Variants in TMEM200A observed in about 807,000 individuals in gnomAD.
TMEM200A encodes the protein transmembrane protein 200A, also known as two transmembrane C.
In TMEM200A, 12 loss-of-function variants were observed where a neutral mutation model predicts 24.3. The observed-to-expected ratio is 0.49, with a 90% CI of 0.32 to 0.80. TMEM200A has a LOEUF of 0.80. TMEM200A is among the 30% of genes least tolerant of loss of function. The probability of loss-of-function intolerance (pLI) is 0.04; values close to 1 mark genes in which losing one functional copy is unlikely to be tolerated. For synonymous variants in TMEM200A, 224 were observed against 224.4 expected, an observed-to-expected ratio of 1.00 and a Z score of 0.02; for missense variants, 545 against 614.4, an observed-to-expected ratio of 0.89 and a Z score of 1.19.
At chr6:130,402,258 T>A (rs1180960984) in intron 2 of TMEM200A, among the ~76,000 whole-genome samples, 4 of 151,868 alleles carry the variant, frequency 2.6e-5, no homozygotes. Flanking sequence ...AACTTTAAAG[T>A]GAAACACAAC....
intron 2 of TMEM200A, among the ~76,000 whole-genome samples, chr6:130,434,301 G>A (rs1779948447): frequency 6.6e-6 from 1 of 152,320 alleles, no homozygotes; most frequent in Admixed American, 6.5e-5. Flanking sequence ...CTGAAAACTT[G>A]TATTCCAGTT....
intron 1 of TMEM200A, chr6:130,383,152 G>GATGCTACGGACAAC: frequency 1.4e-6 from 1 of 708,926 alleles, no homozygotes; most frequent in Non-Finnish European, 1.7e-6. Context: ...TTAGTTGTCC[G>GATGCTACGGACAAC]TAGCATCGGG....
intron 1 of TMEM200A, among the ~76,000 whole-genome samples, chr6:130,382,368 C>T (rs1778620133): frequency 1.3e-5 from 2 of 152,202 alleles, no homozygotes; most frequent in South Asian, 4.1e-4. Context: ...CATGCATGCT[C>T]TACATGAAAC....
intron 2 of TMEM200A, among the ~76,000 whole-genome samples, chr6:130,429,885 G>C (rs538921111): frequency 6.6e-6 from 1 of 151,940 alleles, no homozygotes; most frequent in Non-Finnish European, 1.5e-5. Context: ...TAAAAAAAAC[G>C]TGTATAAATC....
At chr6:130,367,135 G>A (rs1778190960) in intron 1 of TMEM200A, among the ~76,000 whole-genome samples, 1 of 152,124 alleles carries the variant, frequency 6.6e-6, no homozygotes, top group African/African-American at 2.4e-5. Flanking sequence ...ATGTGTGTGT[G>A]TTTGTGTGTT....
Position 130,440,608 on chromosome 6 carries a change from T to C in TMEM200A, c.186T>C (p.Gly62=). 6.2e-7 allele frequency: 1 copy of C among 1,614,040 alleles called. No individual in the cohort carries two copies. The highest frequency in any genetic ancestry group is 1.3e-5 in the African/African-American group (1 of 75,026). Residue 62 remains glycine (G), a synonymous_variant, in exon 3 of 3, where the codon GGT becomes GGC. Coordinates refer to ENST00000296978, the MANE Select transcript of TMEM200A (RefSeq NM_001258277.2). ...AAATCCGGCTTTATTCCCCATCTGG[T>C]TTTTTTCTTATTTTAGGAGTGCTCA... is the stretch of plus-strand genomic sequence containing the variant. The part of the protein sequence containing the change: ...RGKIRLYSPS[G]FFLILGVLIS...
intron 2 of TMEM200A, among the ~76,000 whole-genome samples, chr6:130,417,250 T>C (rs920466261): frequency 3.3e-5 from 5 of 152,166 alleles, no homozygotes; most frequent in Admixed American, 2.6e-4. Flanking sequence ...AATAAATAAA[T>C]GCAACAAATG....
chr6:130,376,740 A>G (rs1778464452), intron 1 of TMEM200A, among the ~76,000 whole-genome samples: 1 of 152,256 alleles, frequency 6.6e-6, no homozygotes, highest in Admixed American at 6.5e-5. Context: ...ATACACAAGT[A>G]TAATCATCGT....
In TMEM200A at chr6:130,412,098, CTT is replaced by C. The variant is rs11154577; in HGVS notation, c.-17+26875_-17+26876del. ...CATCATTTGTTGAACGTTTCCTTGG[CTT>C]TTTTTTTTTTTTGGCACTAATCGTT... is the stretch of plus-strand genomic sequence containing the variant. On this transcript the variant is annotated intron_variant, in intron 2 of 2. Transcript: ENST00000296978. Among the ~76,000 whole-genome samples, 189 of 131,648 alleles carry C rather than the reference CTT, an allele frequency of 1.4e-3. 2 individuals carry two copies. Among genetic ancestry groups the C allele is most frequent in the African/African-American group, 4.5e-3 (166 of 36,694 alleles). The allele number at this position is 131,648 out of a possible 152,430, so 86.4% of individuals were successfully genotyped here.
At chr6:130,389,003 T>C (rs1196415858) in intron 2 of TMEM200A, among the ~76,000 whole-genome samples, 1 of 152,166 alleles carries the variant, frequency 6.6e-6, no homozygotes, top group Non-Finnish European at 1.5e-5. Flanking sequence ...AAATATAAAA[T>C]ACATATAATA....
At chr6:130,426,461 C>CT (rs376081494) in intron 2 of TMEM200A, among the ~76,000 whole-genome samples, 39 of 76,906 alleles carry the variant, frequency 5.1e-4, no homozygotes, top group African/African-American at 4.7e-3. Context: ...CTTTCTGCAG[C>CT]CCCCCCCCCC....
At chr6:130,427,995 A>G (rs1301502238) in intron 2 of TMEM200A, among the ~76,000 whole-genome samples, 3 of 152,112 alleles carry the variant, frequency 2.0e-5, no homozygotes, top group African/African-American at 7.2e-5. Flanking sequence ...AAATTACACT[A>G]TCCTTGTAGA....
chr6:130,402,378 G>A (rs537542239), intron 2 of TMEM200A, among the ~76,000 whole-genome samples: 47 of 152,122 alleles, frequency 3.1e-4, no homozygotes, highest in African/African-American at 1.1e-3. Context: ...TTGACACTCA[G>A]TAGATCTAAA....
At chr6:130,399,147 T>G (rs543842427) in intron 2 of TMEM200A, among the ~76,000 whole-genome samples, 2 of 152,118 alleles carry the variant, frequency 1.3e-5, no homozygotes, top group Non-Finnish European at 2.9e-5. Flanking sequence ...TTATAGAAAG[T>G]CTATACTTAC....
intron 2 of TMEM200A, among the ~76,000 whole-genome samples, chr6:130,391,550 G>A (rs374081688): frequency 1.3e-5 from 2 of 151,868 alleles, no homozygotes; most frequent in Non-Finnish European, 2.9e-5. Flanking sequence ...CCATACCCAG[G>A]CTCCAACAAA....
chr6:130,421,657 T>C (rs1268015939), intron 2 of TMEM200A, among the ~76,000 whole-genome samples: 2 of 152,090 alleles, frequency 1.3e-5, no homozygotes, highest in Non-Finnish European at 2.9e-5. Flanking sequence ...TTACTCATCT[T>C]AACGTAACTA....
In TMEM200A at chr6:130,441,868, A is replaced by G; in HGVS notation, c.1446A>G (p.Leu482=). The G allele has an allele frequency of 1.2e-6, 2 of 1,607,110 alleles. No individual in the cohort carries two copies. Among genetic ancestry groups the G allele is most frequent in the Non-Finnish European group, 1.7e-6 (2 of 1,177,300 alleles). Residue 482 remains leucine, a synonymous_variant, in exon 3 of 3, where the codon CTA becomes CTG. Transcript: ENST00000296978. ...ATGATGAGTTTTTGAGTAACAACCT[A>G]AAGAGGGGAACTTCTGAAACAAGGT... ...FEHDEFLSNN[L]KRGTSETRF
chr6:130,389,572 T>C (rs1371231105), intron 2 of TMEM200A, among the ~76,000 whole-genome samples: 1 of 151,960 alleles, frequency 6.6e-6, no homozygotes, highest in Non-Finnish European at 1.5e-5. Context: ...CTAACAATAA[T>C]ATAGCTTGTT....
At chr6:130,422,512 C>T (rs949616612) in intron 2 of TMEM200A, among the ~76,000 whole-genome samples, 4 of 152,092 alleles carry the variant, frequency 2.6e-5, no homozygotes, top group Non-Finnish European at 5.9e-5. Flanking sequence ...AGTGATCTGC[C>T]TGCCTCGGCC....
Sources: gnomAD v4.1 joint callset for allele counts (sites outside exome capture counted in the v4.1 genomes callset) on GRCh38, gnomAD v4.1.1 for gene constraint, MANE v1.5 for transcripts, NCBI Gene and HGNC (gene_info 2026-07-23, HGNC 2026-07-21) for gene names.